Variants in GPC5 observed in about 807,000 individuals in gnomAD.
GPC5 encodes glypican 5.
A neutral mutation model predicts 53.9 loss-of-function variants in GPC5; 47 were observed. The ratio of observed to expected loss-of-function variants is 0.87; its 90% CI spans 0.69 to 1.11. GPC5 has a LOEUF of 1.11. Ranked by LOEUF, GPC5 falls within the 50% of genes most tolerant of loss-of-function variation. GPC5 has a pLI of 0.00. For missense variants in GPC5, 748 were observed against 713.1 expected, an observed-to-expected ratio of 1.05 and a Z score of -0.56; for synonymous variants, 286 against 263.3, an observed-to-expected ratio of 1.09 and a Z score of -0.84.
intron 2 of GPC5, among the ~76,000 whole-genome samples, chr13:91,471,822 C>A (rs1882653053): frequency 6.6e-6 from 1 of 152,036 alleles, no homozygotes; most frequent in Non-Finnish European, 1.5e-5. Context: ...TTCCTCTTGA[C>A]CCTTTTGTTA....
chr13:92,595,624 C>T (rs1488519569), intron 7 of GPC5, among the ~76,000 whole-genome samples: 13 of 151,228 alleles, frequency 8.6e-5, no homozygotes, highest in African/African-American at 2.7e-4. Context: ...AAAAATTAGC[C>T]GGGCGTGGTG....
At chr13:92,314,044 G>A (rs1566534213) in intron 7 of GPC5, among the ~76,000 whole-genome samples, 1 of 152,164 alleles carries the variant, frequency 6.6e-6, no homozygotes, top group Admixed American at 6.6e-5. Flanking sequence ...CATACAGACT[G>A]TGAAATAATG....
At chr13:91,819,781 T>A (rs918143258) in intron 5 of GPC5, among the ~76,000 whole-genome samples, 2 of 152,144 alleles carry the variant, frequency 1.3e-5, no homozygotes, top group South Asian at 2.1e-4. Context: ...AATTGCTGGA[T>A]TATAAGTTTT....
intron 7 of GPC5, among the ~76,000 whole-genome samples, chr13:92,278,649 G>A (rs1336790580): frequency 6.6e-6 from 1 of 151,924 alleles, no homozygotes; most frequent in African/African-American, 2.4e-5. Context: ...TCTTTCAATA[G>A]TTTTATACTT....
intron 7 of GPC5, among the ~76,000 whole-genome samples, chr13:92,653,171 A>C: frequency 6.6e-6 from 1 of 152,238 alleles, no homozygotes; most frequent in East Asian, 1.9e-4. Flanking sequence ...GCTCAGCAGG[A>C]AACTCAGAAG....
intron 6 of GPC5, among the ~76,000 whole-genome samples, chr13:92,140,534 T>C (rs1223981673): frequency 6.6e-6 from 1 of 152,198 alleles, no homozygotes; most frequent in South Asian, 2.1e-4. Context: ...GAAGCGGCCA[T>C]GGTATGCATT....
At chr13:92,545,434 C>T (rs576008290) in intron 7 of GPC5, among the ~76,000 whole-genome samples, 2 of 152,228 alleles carry the variant, frequency 1.3e-5, no homozygotes, top group African/African-American at 4.8e-5. Context: ...GGTATATACC[C>T]AGTAATGGGA....
intron 2 of GPC5, among the ~76,000 whole-genome samples, chr13:91,477,359 C>A (rs921492489): frequency 2.6e-5 from 4 of 151,990 alleles, no homozygotes; most frequent in African/African-American, 9.7e-5. Flanking sequence ...CTGGGGAAAA[C>A]AGAAGAGTCC....
intron 7 of GPC5, among the ~76,000 whole-genome samples, chr13:92,859,466 G>T (rs965999308): frequency 1.1e-4 from 16 of 151,740 alleles, no homozygotes; most frequent in African/African-American, 3.9e-4. Flanking sequence ...ATTTTTAATA[G>T]CACTTTAAGT....
chr13:92,574,957 C>A (rs1371239072), intron 7 of GPC5, among the ~76,000 whole-genome samples: 1 of 152,136 alleles, frequency 6.6e-6, no homozygotes, highest in Non-Finnish European at 1.5e-5. Context: ...AACTATTCAT[C>A]CACAAAACCT....
intron 6 of GPC5, among the ~76,000 whole-genome samples, chr13:91,936,913 C>T (rs2039876436): frequency 6.6e-6 from 1 of 151,948 alleles, no homozygotes; most frequent in African/African-American, 2.4e-5. Flanking sequence ...CTAGGGCTCT[C>T]AAAATTATGC....
intron 1 of GPC5, among the ~76,000 whole-genome samples, chr13:91,403,988 A>G (rs1357740819): frequency 2.0e-5 from 3 of 152,174 alleles, no homozygotes; most frequent in Non-Finnish European, 4.4e-5. Flanking sequence ...CGAGTGTCCA[A>G]CATCCTATAG....
chr13:91,403,938 C>T (rs547206213), intron 1 of GPC5, among the ~76,000 whole-genome samples: 2 of 152,200 alleles, frequency 1.3e-5, no homozygotes, highest in African/African-American at 4.8e-5. Context: ...TATATATGTC[C>T]CCATTCTCTC....
chr13:92,206,984 C>A (rs1566485093), intron 7 of GPC5, among the ~76,000 whole-genome samples: 1 of 152,150 alleles, frequency 6.6e-6, no homozygotes, highest in African/African-American at 2.4e-5. Flanking sequence ...CTATGAGCCT[C>A]TCTTGAGGTA....
intron 6 of GPC5, among the ~76,000 whole-genome samples, chr13:91,932,392 T>C (rs2139033420): frequency 6.6e-6 from 1 of 152,188 alleles, no homozygotes; most frequent in African/African-American, 2.4e-5. Flanking sequence ...TTTGTTCTTA[T>C]TTTGGTCCTT....
At chr13:92,825,757 T>C (rs1216361991) in intron 7 of GPC5, among the ~76,000 whole-genome samples, 2 of 152,160 alleles carry the variant, frequency 1.3e-5, no homozygotes, top group Non-Finnish European at 1.5e-5. Flanking sequence ...GTTCTTTATA[T>C]GTCCTTGTAA....
At chr13:92,098,049 G>T (rs376039348) in intron 6 of GPC5, among the ~76,000 whole-genome samples, 5 of 152,064 alleles carry the variant, frequency 3.3e-5, no homozygotes, top group Admixed American at 2.6e-4. Context: ...ACATGTGCAG[G>T]TTTGTTATAT....
intron 7 of GPC5, among the ~76,000 whole-genome samples, chr13:92,552,852 A>G (rs983134357): frequency 6.6e-6 from 1 of 151,920 alleles, no homozygotes; most frequent in Non-Finnish European, 1.5e-5. Context: ...TGTTCTTGCT[A>G]ATTTGAAACT....
At chr13:92,340,523 C>A (rs944049833) in intron 7 of GPC5, 4 of 152,084 alleles carry the variant, frequency 2.6e-5, no homozygotes, top group African/African-American at 9.7e-5. Context: ...CTGCTCCTGG[C>A]TTTGAACCTA....
Sources: allele counts gnomAD v4.1 joint callset (sites outside exome capture counted in the v4.1 genomes callset), GRCh38; gene constraint gnomAD v4.1.1; transcripts MANE v1.5; gene names NCBI Gene and HGNC (gene_info 2026-07-23, HGNC 2026-07-21).